The following DLC1 variants were observed in gnomAD, a reference collection of about 807,000 sequenced individuals.
DLC1 encodes DLC1 Rho GTPase activating protein.
In DLC1, 54 loss-of-function variants were observed where a neutral mutation model predicts 140.3. The observed-to-expected ratio is 0.38, with a 90% CI of 0.31 to 0.48. The LOEUF (loss-of-function observed/expected upper bound fraction) is 0.48. Among genes scored for constraint, DLC1 ranks in the 20% least tolerant of loss-of-function variants. The pLI is 0.96. For missense variants in DLC1, 2,536 were observed against 1,907.0 expected (o/e 1.33, Z -6.14); for synonymous variants, 986 against 728.1 (o/e 1.35, Z -5.70).
chr8:13,406,752 G>C (rs1837582032), intron 2 of DLC1, among the ~76,000 whole-genome samples: 1 of 152,204 alleles, frequency 6.6e-6, no homozygotes, highest in Non-Finnish European at 1.5e-5. Context: ...GACTGGGGCA[G>C]ACTAGGCAAG....
chr8:13,436,681 G>T (rs72603965), intron 2 of DLC1, among the ~76,000 whole-genome samples: 13,106 of 152,206 alleles, frequency 0.086, 632 homozygotes, highest in Admixed American at 0.12. Context: ...TATTTTCCCA[G>T]AGCTCTGCTC....
At chr8:13,498,978 A>G in intron 2 of DLC1, 71 bp downstream of exon 2, 1 of 1,493,674 alleles carries the variant, frequency 6.7e-7, no homozygotes, top group Non-Finnish European at 8.9e-7. Context: ...AATCCAAGCA[A>G]AATGATAACT....
chr8:13,581,297 C>T (rs1007684281), intron 1 of DLC1, among the ~76,000 whole-genome samples: 17 of 152,262 alleles, frequency 1.1e-4, no homozygotes, highest in African/African-American at 3.9e-4. Context: ...TGACATCATT[C>T]AGAGGAAAAA....
At chr8:13,550,977 G>C (rs1385741657) in intron 1 of DLC1, among the ~76,000 whole-genome samples, 1 of 150,676 alleles carries the variant, frequency 6.6e-6, no homozygotes, top group East Asian at 2.0e-4. Flanking sequence ...TTCTCAGTGA[G>C]TTTACTCTAC....
chr8:13,441,438 A>G (rs1798505525), intron 2 of DLC1, among the ~76,000 whole-genome samples: 1 of 152,250 alleles, frequency 6.6e-6, no homozygotes, highest in African/African-American at 2.4e-5. Context: ...TGCAGACAAC[A>G]TGATTGTATA....
intron 4 of DLC1, among the ~76,000 whole-genome samples, chr8:13,323,054 C>G (rs1312024502): frequency 1.3e-5 from 2 of 152,196 alleles, no homozygotes; most frequent in East Asian, 3.9e-4. Context: ...ATACTGAAGA[C>G]AGACACTCCA....
intron 2 of DLC1, among the ~76,000 whole-genome samples, chr8:13,453,557 T>TATATA (rs1491341936): frequency 2.5e-4 from 6 of 24,262 alleles, no homozygotes; most frequent in Admixed American, 4.4e-4. Flanking sequence ...TATATATATA[T>TATATA]TTTTTTTTTT....
At chr8:13,104,323 T>G (rs1819367324) in intron 7 of DLC1, among the ~76,000 whole-genome samples, 2 of 149,244 alleles carry the variant, frequency 1.3e-5, no homozygotes, top group South Asian at 4.3e-4. Context: ...TTAGGGAAAT[T>G]TAGTTTCGTT....
intron 4 of DLC1, among the ~76,000 whole-genome samples, chr8:13,307,516 A>C (rs956424181): frequency 6.6e-6 from 1 of 152,248 alleles, no homozygotes; most frequent in Non-Finnish European, 1.5e-5. Flanking sequence ...ACTATGTATT[A>C]AATGTTAAGT....
At chr8:13,551,075 C>CACACCCACTT (rs71207163) in intron 1 of DLC1, among the ~76,000 whole-genome samples, 1 of 121,718 alleles carries the variant, frequency 8.2e-6, no homozygotes. Context: ...CACACACACA[C>CACACCCACTT]TTTTTTTTTT....
intron 7 of DLC1, 100 bp downstream of exon 7, chr8:13,110,642 C>A: frequency 6.1e-6 from 7 of 1,148,140 alleles, no homozygotes; most frequent in Non-Finnish European, 8.8e-6. Context: ...AAAAACCTAA[C>A]ACAATTAGCA....
intron 5 of DLC1, among the ~76,000 whole-genome samples, chr8:13,219,091 AATGTAATT>A (rs1828395299): frequency 3.4e-5 from 2 of 59,392 alleles, no homozygotes; most frequent in East Asian, 9.7e-4. Context: ...ATTATATGTG[AATGTAATT>A]ATATAATTAT....
intron 4 of DLC1, among the ~76,000 whole-genome samples, chr8:13,391,446 T>C (rs1470618287): frequency 6.6e-6 from 1 of 152,212 alleles, no homozygotes; most frequent in Non-Finnish European, 1.5e-5. Flanking sequence ...CAAATATTTT[T>C]CTGTTCAATA....
intron 5 of DLC1, among the ~76,000 whole-genome samples, chr8:13,162,217 G>A (rs1824758965): frequency 6.6e-6 from 1 of 152,178 alleles, no homozygotes; most frequent in Non-Finnish European, 1.5e-5. Context: ...CAATTCTATG[G>A]TCTTGGCAGA....
intron 1 of DLC1, among the ~76,000 whole-genome samples, chr8:13,586,633 G>A (rs1383108997): frequency 1.6e-5 from 2 of 123,192 alleles, no homozygotes; most frequent in African/African-American, 5.7e-5. Context: ...ACACCTGCAT[G>A]TAAAATGAAA....
At chr8:13,514,573 A>C (rs369795616) in intron 1 of DLC1, 29 bp downstream of exon 1, 1 of 398,514 alleles carries the variant, frequency 2.5e-6, no homozygotes, top group African/African-American at 2.1e-5. Context: ...GACCGCCTCA[A>C]AGCATAAAGA....
chr8:13,267,656 C>G (rs566956859), intron 5 of DLC1, among the ~76,000 whole-genome samples: 1 of 151,946 alleles, frequency 6.6e-6, no homozygotes, highest in Non-Finnish European at 1.5e-5. Context: ...GACTTTTACA[C>G]CAGCAACCTA....
intron 5 of DLC1, among the ~76,000 whole-genome samples, chr8:13,127,604 G>A (rs1344439605): frequency 2.0e-5 from 3 of 152,244 alleles, no homozygotes; most frequent in Non-Finnish European, 4.4e-5. Flanking sequence ...TGAGTGTGAG[G>A]AGGGACACAG....
chr8:13,461,018 G>T (rs1799630956), intron 2 of DLC1, among the ~76,000 whole-genome samples: 1 of 152,138 alleles, frequency 6.6e-6, no homozygotes, highest in Non-Finnish European at 1.5e-5. Context: ...TTTGAGATGA[G>T]CCTGGGCAAC....
Sources: allele counts gnomAD v4.1 joint callset (sites outside exome capture counted in the v4.1 genomes callset), GRCh38; gene constraint gnomAD v4.1.1; transcripts MANE v1.5; gene names NCBI Gene and HGNC (gene_info 2026-07-23, HGNC 2026-07-21).